Variants in LUZP1 observed in about 807,000 individuals in gnomAD.
LUZP1 encodes filamin mechanobinding actin cross-linking protein.
A neutral mutation model predicts 71.3 loss-of-function variants in LUZP1; 25 were observed. The ratio of observed to expected loss-of-function variants is 0.35; its 90% CI spans 0.26 to 0.49. The LOEUF (loss-of-function observed/expected upper bound fraction) is 0.49, where lower values mean the gene tolerates loss of function less well. Among genes scored for constraint, LUZP1 ranks in the 20% least tolerant of loss-of-function variants. LUZP1 has a pLI of 0.99. For missense variants in LUZP1, 1,142 were observed against 1,300.8 expected (o/e 0.88, Z 1.88); for synonymous variants, 481 against 506.4 (o/e 0.95, Z 0.67).
chr1:23,089,776 T>C (rs1391927656), intron 4 of LUZP1, among the ~76,000 whole-genome samples: 3 of 150,182 alleles, frequency 2.0e-5, no homozygotes, highest in African/African-American at 7.4e-5. Flanking sequence ...TTTTCTTTTT[T>C]TGAGACGTCA....
intron 2 of LUZP1, among the ~76,000 whole-genome samples, chr1:23,121,214 A>G (rs1215582075): frequency 6.6e-6 from 1 of 152,206 alleles, no homozygotes; most frequent in African/African-American, 2.4e-5. Context: ...GTAGTTATAT[A>G]CAGCTAATTT....
At chr1:23,156,475 T>C (rs1029789995) in intron 2 of LUZP1, among the ~76,000 whole-genome samples, 1 of 152,202 alleles carries the variant, frequency 6.6e-6, no homozygotes, top group Non-Finnish European at 1.5e-5. Flanking sequence ...CCTACACAGA[T>C]TTGCCTGTCA....
chr1:23,155,976 G>GAT (rs1644418194), intron 2 of LUZP1, among the ~76,000 whole-genome samples: 1 of 152,164 alleles, frequency 6.6e-6, no homozygotes, highest in Admixed American at 6.5e-5. Context: ...CAGTTAACTT[G>GAT]AAACTAGATA....
intron 4 of LUZP1, chr1:23,090,855 T>C: frequency 1.4e-6 from 1 of 717,360 alleles, no homozygotes; most frequent in Non-Finnish European, 2.6e-6. Flanking sequence ...TTCTTGTGCT[T>C]TTCATGCTGT....
exon 4 of LUZP1, chr1:23,092,000 G>A: frequency 6.2e-7 from 1 of 1,614,078 alleles, no homozygotes; most frequent in East Asian, 2.2e-5. Context: ...GTTTGATGAT[G>A]GCTCTAGACC....
intron 2 of LUZP1, among the ~76,000 whole-genome samples, chr1:23,167,537 G>C (rs1018033005): frequency 5.9e-5 from 9 of 152,276 alleles, no homozygotes; most frequent in Non-Finnish European, 1.0e-4. Flanking sequence ...GGGGTTTTGG[G>C]GGTGCCTACT....
At chr1:23,121,820 T>C (rs1644131746) in intron 2 of LUZP1, among the ~76,000 whole-genome samples, 1 of 152,248 alleles carries the variant, frequency 6.6e-6, no homozygotes, top group African/African-American at 2.4e-5. Context: ...GAGACCAGCC[T>C]GGCCAACATG....
chr1:23,159,971 G>A (rs1009682752), intron 2 of LUZP1, among the ~76,000 whole-genome samples: 2 of 151,878 alleles, frequency 1.3e-5, no homozygotes, highest in African/African-American at 4.8e-5. Flanking sequence ...GGGCAACAAG[G>A]GTAAAATTCC....
intron 1 of LUZP1, among the ~76,000 whole-genome samples, chr1:23,172,119 C>G (rs1644555733): frequency 6.6e-6 from 1 of 152,172 alleles, no homozygotes; most frequent in South Asian, 2.1e-4. Context: ...CAGAGCCTGG[C>G]ACCTAGTTCA....
chr1:23,151,803 A>G (rs1308818813), intron 2 of LUZP1, among the ~76,000 whole-genome samples: 2 of 152,192 alleles, frequency 1.3e-5, no homozygotes, highest in East Asian at 3.9e-4. Flanking sequence ...GGAGTTCAAG[A>G]CCAGCCTGGC....
intron 2 of LUZP1, among the ~76,000 whole-genome samples, chr1:23,160,768 C>T (rs1027508211): frequency 3.9e-5 from 6 of 152,204 alleles, no homozygotes; most frequent in African/African-American, 4.8e-5. Flanking sequence ...GTCAAATTAG[C>T]TAATTAAGAT....
At chr1:23,159,835 A>G (rs1274568119) in intron 2 of LUZP1, among the ~76,000 whole-genome samples, 2 of 152,112 alleles carry the variant, frequency 1.3e-5, no homozygotes, top group Non-Finnish European at 2.9e-5. Flanking sequence ...AAAATACAAA[A>G]ATGAGCTGGG....
At chr1:23,136,426 C>G (rs1281527194) in intron 2 of LUZP1, among the ~76,000 whole-genome samples, 1 of 151,738 alleles carries the variant, frequency 6.6e-6, no homozygotes, top group Non-Finnish European at 1.5e-5. Flanking sequence ...GTAGTAAGAA[C>G]AAATGAGAGG....
At chr1:23,089,109 A>G in intron 4 of LUZP1, 56 bp from the exon 4 acceptor site, 1 of 1,557,842 alleles carries the variant, frequency 6.4e-7, no homozygotes, top group South Asian at 1.1e-5. Context: ...GAGGACCGAG[A>G]CACCCTCACC....
intron 2 of LUZP1, among the ~76,000 whole-genome samples, chr1:23,144,584 T>C (rs1035241529): frequency 6.6e-5 from 10 of 152,164 alleles, no homozygotes; most frequent in Non-Finnish European, 1.5e-4. Context: ...TCCTGGCAGA[T>C]GTGATATCCT....
chr1:23,137,472 C>T (rs1277699786), intron 2 of LUZP1, among the ~76,000 whole-genome samples: 1 of 152,130 alleles, frequency 6.6e-6, no homozygotes, highest in African/African-American at 2.4e-5. Flanking sequence ...GAAACCCCAC[C>T]TCCACTAAAA....
chr1:23,088,001 T>C (rs1034007713), exon 5 of LUZP1: 4 of 152,700 alleles, frequency 2.6e-5, no homozygotes, highest in Non-Finnish European at 5.9e-5. Flanking sequence ...TCCCTCTTGC[T>C]GGGCACTTCC....
intron 2 of LUZP1, among the ~76,000 whole-genome samples, chr1:23,111,476 C>G (rs1644032212): frequency 6.6e-6 from 1 of 152,048 alleles, no homozygotes; most frequent in African/African-American, 2.4e-5. Context: ...GGGAGGATCA[C>G]CTGGAGCCCA....
At chr1:23,098,171 G>A (rs1351662949) in intron 3 of LUZP1, among the ~76,000 whole-genome samples, 1 of 152,208 alleles carries the variant, frequency 6.6e-6, no homozygotes, top group Non-Finnish European at 1.5e-5. Flanking sequence ...AAGCACTGCA[G>A]AACAAAGCAA....
Sources: gnomAD v4.1 joint callset for allele counts (sites outside exome capture counted in the v4.1 genomes callset) on GRCh38, gnomAD v4.1.1 for gene constraint, MANE v1.5 for transcripts, NCBI Gene and HGNC (gene_info 2026-07-23, HGNC 2026-07-21) for gene names.